The following RIN3 variants were observed in gnomAD, a reference collection of about 807,000 sequenced individuals.
RIN3 encodes the protein RAB5 interacting protein 3.
In RIN3, 54 loss-of-function variants were observed where a neutral mutation model predicts 76.3. The ratio of observed to expected loss-of-function variants is 0.71; its 90% CI spans 0.57 to 0.89. The LOEUF (loss-of-function observed/expected upper bound fraction) is 0.89, where lower values mean the gene tolerates loss of function less well. Among genes scored for constraint, RIN3 ranks in the 40% least tolerant of loss-of-function variants. The pLI is 0.00. For synonymous variants in RIN3, 576 were observed against 564.0 expected (o/e 1.02, Z -0.30); for missense variants, 1,256 against 1,322.1 (o/e 0.95, Z 0.78).
chr14:92,578,241 AAAAAAAAAG>A (rs1294142330), intron 3 of RIN3, among the ~76,000 whole-genome samples: 18 of 151,906 alleles, frequency 1.2e-4, no homozygotes, highest in East Asian at 1.9e-4. Flanking sequence ...GCCTAAAAAA[AAAAAAAAAG>A]AAAAAAAAGA....
Position 92,656,026 on chromosome 14 carries a change from C to A in RIN3, c.2026+2951C>A, listed in dbSNP as rs575660074. On this transcript the variant is annotated intron_variant, in intron 6 of 9. Coordinates refer to ENST00000216487, the MANE Select transcript of RIN3 (RefSeq NM_024832.5). The surrounding 1 kb of genome is among the most constrained non-coding windows in gnomAD (Gnocchi z 5.2). ...TGAGACTGGATGAGATCATCCGGGT[C>A]TGAGGACTGAGCCACAGGCACCGTG... 1.6e-4 allele frequency among the ~76,000 whole-genome samples: 25 copies of A among 152,234 alleles called. No individual in the cohort carries two copies. Among genetic ancestry groups the A allele is most frequent in the African/African-American group, 5.8e-4 (24 of 41,538 alleles).
rs1461230741 is a variant in RIN3, at chr14:92,643,117, G to A, written c.532+1788G>A. ...CACCCAGGCTGGAGTGCAGTGGTGC[G>A]ATCTTGGCTCACTGCAACCTCCACC... On this transcript the variant is annotated intron_variant, in intron 5 of 9. Coordinates refer to ENST00000216487, the MANE Select transcript of RIN3 (RefSeq NM_024832.5). The surrounding 1 kb of genome is among the most constrained non-coding windows in gnomAD (Gnocchi z 4.8). Among the ~76,000 whole-genome samples the A allele has an allele frequency of 1.3e-5, 2 of 151,858 alleles. No homozygotes were observed. The highest frequency in any genetic ancestry group is 1.9e-4 in the East Asian group (1 of 5,178).
intron 7 of RIN3, among the ~76,000 whole-genome samples, chr14:92,673,797 C>T (rs746006631): frequency 2.0e-5 from 3 of 152,184 alleles, no homozygotes; most frequent in Non-Finnish European, 4.4e-5. Context: ...TGAGCCACCG[C>T]GCCCGGCCGC....
chr14:92,615,342 C>T, intron 3 of RIN3, 65 bp from the exon 4 acceptor site: 1 of 1,410,548 alleles, frequency 7.1e-7, no homozygotes, highest in East Asian at 2.3e-5. Context: ...TCCTTGCCAC[C>T]TCCTTCCCCC....
intron 7 of RIN3, among the ~76,000 whole-genome samples, chr14:92,673,936 G>C (rs1888373888): frequency 6.6e-6 from 1 of 152,242 alleles, no homozygotes; most frequent in African/African-American, 2.4e-5. Context: ...ACAGTAGAAA[G>C]CAAACAGATT....
At chr14:92,519,333 A>G (rs1896529010) in intron 1 of RIN3, among the ~76,000 whole-genome samples, 1 of 152,194 alleles carries the variant, frequency 6.6e-6, no homozygotes, top group African/African-American at 2.4e-5. Flanking sequence ...TGAAAAAAGT[A>G]CATTTGGTTT....
At chr14:92,543,731 C>T (rs538691581) in intron 1 of RIN3, among the ~76,000 whole-genome samples, 16 of 151,428 alleles carry the variant, frequency 1.1e-4, no homozygotes, top group Non-Finnish European at 1.6e-4. Context: ...TACAGGTGCC[C>T]GCCACCACAC....
intron 1 of RIN3, among the ~76,000 whole-genome samples, chr14:92,555,008 G>A (rs1897539045): frequency 6.6e-6 from 1 of 152,208 alleles, no homozygotes; most frequent in South Asian, 2.1e-4. Flanking sequence ...TTGAAATCCT[G>A]TGTATATTTT....
chr14:92,614,425 A>G (rs1174256763), intron 3 of RIN3, among the ~76,000 whole-genome samples: 1 of 152,196 alleles, frequency 6.6e-6, no homozygotes, highest in African/African-American at 2.4e-5. Context: ...TAAATGTTTA[A>G]TTCTGCATTT....
At chr14:92,578,290 A>G (rs1184856748) in intron 3 of RIN3, among the ~76,000 whole-genome samples, 2 of 151,952 alleles carry the variant, frequency 1.3e-5, no homozygotes, top group African/African-American at 2.4e-5. Context: ...CTGTGTGTGC[A>G]TAGTGCTACT....
At chr14:92,682,203 G>T (rs1047995066) in intron 8 of RIN3, among the ~76,000 whole-genome samples, 4 of 152,110 alleles carry the variant, frequency 2.6e-5, no homozygotes, top group African/African-American at 9.7e-5. Flanking sequence ...TTTCTATACT[G>T]CTATGAAAGG....
At chr14:92,658,311 G>A (rs1334512272) in intron 6 of RIN3, among the ~76,000 whole-genome samples, 1 of 152,238 alleles carries the variant, frequency 6.6e-6, no homozygotes, top group Admixed American at 6.5e-5. Flanking sequence ...CGAGGCGACT[G>A]CACCACACAA....
intron 3 of RIN3, among the ~76,000 whole-genome samples, chr14:92,608,141 AAC>A (rs140188402): frequency 6.6e-6 from 1 of 151,616 alleles, no homozygotes; most frequent in African/African-American, 2.4e-5. Flanking sequence ...ATACTATACA[AAC>A]ACACACACAC....
Position 92,641,360 on chromosome 14 carries a change from G to C in RIN3, c.532+31G>C, listed in dbSNP as rs1887006560. 10 of 1,557,310 alleles carry C rather than the reference G, an allele frequency of 6.4e-6. No homozygotes were observed. The East Asian group carries it at 2.0e-4, about 31-fold the overall frequency. ...TCTTCTCCGAGGGGTTAGGGGAGCT[G>C]GTGGGGCGTTAGGAACTGGGGCCCT... On this transcript the variant is annotated intron_variant, in intron 5 of 9. Transcript: ENST00000216487.
intron 3 of RIN3, among the ~76,000 whole-genome samples, chr14:92,599,480 G>C (rs761822642): frequency 1.4e-4 from 22 of 152,192 alleles, no homozygotes; most frequent in Non-Finnish European, 3.2e-4. Flanking sequence ...TGGTGTCAGG[G>C]ACTGTGGGAC....
chr14:92,608,221 C>T lies in RIN3; in HGVS notation c.368-7186C>T, dbSNP rs147914108. ...TGGGGATTGCATTGAGGTCAATTTC[C>T]GGGTTTTGACATTGTGCTCTAATTA... On this transcript the variant is annotated intron_variant, in intron 3 of 9. Coordinates refer to ENST00000216487, the MANE Select transcript of RIN3 (RefSeq NM_024832.5). 4.6e-4 allele frequency among the ~76,000 whole-genome samples: 70 copies of T among 152,264 alleles called. No individual in the cohort carries two copies. The East Asian group carries it at 8.1e-3, about 18-fold the overall frequency.
At chr14:92,586,445 A>G (rs1884780774) in intron 3 of RIN3, 1 of 152,204 alleles carries the variant, frequency 6.6e-6, no homozygotes, top group African/African-American at 2.4e-5. Context: ...TTCTGTTTTC[A>G]GCATTCCCCT....
At position 92,520,590 on chromosome 14, in the gene RIN3, C is replaced by G. The variant is rs1896571461; in HGVS notation, c.44+6614C>G. On this transcript the variant is annotated intron_variant, in intron 1 of 9. Transcript: ENST00000216487. ...AGGCACTGATGCGAAAGCCTGTTCT[C>G]TGAAAGATAAGCTGGAGAGAGGGGT... is the stretch of plus-strand genomic sequence containing the variant. Among the ~76,000 whole-genome samples the G allele has an allele frequency of 1.3e-5, 2 of 152,222 alleles. 1 individual carries two copies. Among genetic ancestry groups the G allele is most frequent in the South Asian group, 4.1e-4 (2 of 4,832 alleles).
chr14:92,620,645 G>T (rs369632381), intron 4 of RIN3, among the ~76,000 whole-genome samples: 1 of 152,134 alleles, frequency 6.6e-6, no homozygotes, highest in Non-Finnish European at 1.5e-5. Flanking sequence ...CACAAGCAAA[G>T]CCAGAGGAGA....
Sources: allele counts gnomAD v4.1 joint callset (sites outside exome capture counted in the v4.1 genomes callset), GRCh38; gene constraint gnomAD v4.1.1; non-coding constraint Gnocchi (gnomAD v3.1); transcripts MANE v1.5; gene names NCBI Gene and HGNC (gene_info 2026-07-23, HGNC 2026-07-21).